PRKD1: variants seen among roughly 807,000 people sequenced by gnomAD.
PRKD1 encodes the protein serine/threonine-protein kinase D1.
Under a neutral mutation model 95.9 loss-of-function variants are expected in PRKD1, and 63 were observed. That is an observed-to-expected ratio of 0.66 (90% CI 0.54 to 0.81). The LOEUF (loss-of-function observed/expected upper bound fraction) is 0.81, where lower values mean the gene tolerates loss of function less well. Among genes scored for constraint, PRKD1 ranks in the 30% least tolerant of loss-of-function variants. PRKD1 has a pLI of 0.00. For synonymous variants in PRKD1, 425 were observed against 423.1 expected, an observed-to-expected ratio of 1.00 and a Z score of -0.05; for missense variants, 1,048 against 1,165.3, an observed-to-expected ratio of 0.90 and a Z score of 1.47.
intron 1 of PRKD1, among the ~76,000 whole-genome samples, chr14:29,762,752 C>T (rs1888055540): frequency 1.6e-5 from 2 of 125,162 alleles, no homozygotes; most frequent in South Asian, 5.4e-4. Flanking sequence ...ATATTACTAT[C>T]TATACTAAGG....
At chr14:29,671,562 T>C (rs1021478502) in intron 2 of PRKD1, among the ~76,000 whole-genome samples, 3 of 151,634 alleles carry the variant, frequency 2.0e-5, no homozygotes, top group Non-Finnish European at 4.4e-5. Flanking sequence ...ATATTTTTGT[T>C]TTTATCTTTT....
intron 1 of PRKD1, among the ~76,000 whole-genome samples, chr14:29,788,235 T>G (rs576489673): frequency 8.9e-4 from 136 of 152,328 alleles, no homozygotes; most frequent in Non-Finnish European, 1.2e-3. Flanking sequence ...ACTTTGAGTA[T>G]AGTATCTCAT....
chr14:29,605,566 G>C (rs1175682880), intron 13 of PRKD1, among the ~76,000 whole-genome samples: 1 of 152,076 alleles, frequency 6.6e-6, no homozygotes, highest in Non-Finnish European at 1.5e-5. Flanking sequence ...TCTACTCTCA[G>C]AGTCTTTGCT....
intron 1 of PRKD1, among the ~76,000 whole-genome samples, chr14:29,879,048 T>C (rs1356945857): frequency 6.6e-6 from 1 of 152,192 alleles, no homozygotes; most frequent in African/African-American, 2.4e-5. Flanking sequence ...TTGTCTTCAC[T>C]CACAATCTTC....
At chr14:29,632,772 C>G (rs1355310513) in intron 9 of PRKD1, 97 bp downstream of exon 9, 2 of 1,127,432 alleles carry the variant, frequency 1.8e-6, no homozygotes, top group Non-Finnish European at 2.6e-6. Flanking sequence ...ACAAAAATAG[C>G]CACGTTTGTT....
intron 1 of PRKD1, among the ~76,000 whole-genome samples, chr14:29,744,923 C>T (rs1255542120): frequency 6.6e-6 from 1 of 152,166 alleles, no homozygotes; most frequent in Non-Finnish European, 1.5e-5. Flanking sequence ...ATCCCAAAGT[C>T]AACCAGAGCT....
chr14:29,828,205 G>T (rs910946741), intron 1 of PRKD1, among the ~76,000 whole-genome samples: 1 of 152,126 alleles, frequency 6.6e-6, no homozygotes, highest in African/African-American at 2.4e-5. Flanking sequence ...TCATGGTTCT[G>T]CAGGCTGTAT....
chr14:29,745,067 C>A (rs1356298005), intron 1 of PRKD1, among the ~76,000 whole-genome samples: 1 of 152,152 alleles, frequency 6.6e-6, no homozygotes, highest in Non-Finnish European at 1.5e-5. Context: ...TCCTCCACCA[C>A]CCCGGGATTG....
intron 1 of PRKD1, among the ~76,000 whole-genome samples, chr14:29,916,426 CTT>C (rs1324049174): frequency 7.9e-5 from 12 of 152,226 alleles, no homozygotes; most frequent in Non-Finnish European, 1.8e-4. Context: ...AGCCCACAGA[CTT>C]TGCCTGTTGT....
At chr14:29,701,880 C>T (rs973382203) in intron 2 of PRKD1, among the ~76,000 whole-genome samples, 1 of 152,102 alleles carries the variant, frequency 6.6e-6, no homozygotes, top group African/African-American at 2.4e-5. Flanking sequence ...TTTCTGGTCT[C>T]AGACTTAAAT....
intron 1 of PRKD1, among the ~76,000 whole-genome samples, chr14:29,744,344 A>G (rs1017088757): frequency 1.4e-4 from 22 of 152,242 alleles, no homozygotes; most frequent in Admixed American, 1.2e-3. Flanking sequence ...TCTCTCTCAC[A>G]TATCTAATCT....
chr14:29,596,326 A>G (rs1893301255), intron 16 of PRKD1, among the ~76,000 whole-genome samples: 2 of 152,224 alleles, frequency 1.3e-5, no homozygotes, highest in South Asian at 4.1e-4. Flanking sequence ...AAACAGAATG[A>G]ACCTAGAACT....
At chr14:29,747,817 T>C (rs995818615) in intron 1 of PRKD1, among the ~76,000 whole-genome samples, 1 of 152,132 alleles carries the variant, frequency 6.6e-6, no homozygotes, top group Non-Finnish European at 1.5e-5. Context: ...AATCTTGGCT[T>C]ACTGCAACCT....
intron 13 of PRKD1, among the ~76,000 whole-genome samples, chr14:29,605,821 G>A (rs1893683223): frequency 6.6e-6 from 1 of 152,046 alleles, no homozygotes; most frequent in Non-Finnish European, 1.5e-5. Context: ...GATCTCCATG[G>A]CTTTTAGATA....
intron 2 of PRKD1, among the ~76,000 whole-genome samples, chr14:29,684,017 T>C (rs1032866315): frequency 6.6e-6 from 1 of 152,232 alleles, no homozygotes; most frequent in African/African-American, 2.4e-5. Flanking sequence ...AATGTCTTAA[T>C]GCCGTGGGAT....
intron 1 of PRKD1, among the ~76,000 whole-genome samples, chr14:29,838,648 A>G (rs1002106306): frequency 6.6e-6 from 1 of 152,214 alleles, no homozygotes; most frequent in African/African-American, 2.4e-5. Flanking sequence ...AATTGAAAAC[A>G]TGGTTTATTA....
At chr14:29,847,082 A>AG (rs539318137) in intron 1 of PRKD1, among the ~76,000 whole-genome samples, 24 of 152,182 alleles carry the variant, frequency 1.6e-4, no homozygotes, top group African/African-American at 4.3e-4. Context: ...CCTGTACTGC[A>AG]GGGGGGGTTG....
intron 1 of PRKD1, among the ~76,000 whole-genome samples, chr14:29,855,715 G>A (rs1256875160): frequency 6.6e-6 from 1 of 152,142 alleles, no homozygotes; most frequent in Non-Finnish European, 1.5e-5. Context: ...TGCTGTGGAA[G>A]GGACCCAGTG....
intron 1 of PRKD1, among the ~76,000 whole-genome samples, chr14:29,783,513 T>C (rs1223681154): frequency 2.0e-5 from 3 of 152,202 alleles, no homozygotes; most frequent in Non-Finnish European, 4.4e-5. Context: ...ACATACCCAG[T>C]AGTGGGATTG....
Sources: gnomAD v4.1 joint callset for allele counts (sites outside exome capture counted in the v4.1 genomes callset) on GRCh38, gnomAD v4.1.1 for gene constraint, MANE v1.5 for transcripts, NCBI Gene and HGNC (gene_info 2026-07-23, HGNC 2026-07-21) for gene names.